SHCBP1L: variants seen among roughly 807,000 people sequenced by gnomAD.
SHCBP1L encodes SHC binding and spindle associated 1 like.
In SHCBP1L, 67 loss-of-function variants were observed where a neutral mutation model predicts 62.5. The ratio of observed to expected loss-of-function variants is 1.07; its 90% CI spans 0.88 to 1.31. The LOEUF is 1.31. SHCBP1L is among the 40% of genes most tolerant of loss of function. SHCBP1L has a pLI of 0.00. For missense variants in SHCBP1L, 823 were observed against 809.8 expected (o/e 1.02, Z -0.20); for synonymous variants, 284 against 289.4 (o/e 0.98, Z 0.19).
chr1:182,904,548 T>C (rs963907317), intron 7 of SHCBP1L, 118 bp from the exon 8 acceptor site: 3 of 791,374 alleles, frequency 3.8e-6, no homozygotes, highest in African/African-American at 1.8e-5. Flanking sequence ...TGTGTGTGTG[T>C]GTGTGTGTGT....
At position 182,900,196 on chromosome 1, in the gene SHCBP1L, A is replaced by G. The variant is rs759875717; in HGVS notation, c.1749T>C (p.His583=). The change falls in exon 10 of 10, where the codon CAT becomes CAC. Residue 583 remains histidine, a synonymous_variant. Transcript: ENST00000367547. The stretch of plus-strand genomic sequence containing the variant: ...CTCCATAGCCTTTGTTGCTATAAAT[A>G]TGATTATTAGTCATCTTCAATTTGG... ...PAPKLKMTNN[H]IYSNKGYGVS... is the part of the protein sequence containing the mutation. 1 of 1,601,998 alleles carries G rather than the reference A, an allele frequency of 6.2e-7. No individual in the cohort carries two copies. The highest frequency in any genetic ancestry group is 1.1e-5 in the South Asian group (1 of 87,572).
chr1:182,929,315 T>C (rs1263679361), intron 6 of SHCBP1L, among the ~76,000 whole-genome samples: 32 of 152,222 alleles, frequency 2.1e-4, no homozygotes, highest in Admixed American at 2.1e-3. Context: ...CTTGTGTCCA[T>C]ATTTCCACCA....
intron 6 of SHCBP1L, among the ~76,000 whole-genome samples, chr1:182,927,795 C>T (rs2101940371): frequency 6.6e-6 from 1 of 152,156 alleles, no homozygotes; most frequent in African/African-American, 2.4e-5. Context: ...ATACTTTCTC[C>T]TCACAGTAGT....
At chr1:182,934,734 G>A (rs1651112459) in intron 5 of SHCBP1L, among the ~76,000 whole-genome samples, 1 of 151,930 alleles carries the variant, frequency 6.6e-6, no homozygotes. Context: ...TATTGTTGTG[G>A]TACCTAAAAA....
At chr1:182,906,716 G>T (rs1431569812) in intron 6 of SHCBP1L, among the ~76,000 whole-genome samples, 1 of 152,088 alleles carries the variant, frequency 6.6e-6, no homozygotes, top group African/African-American at 2.4e-5. Flanking sequence ...ACCGTGCCCG[G>T]CCCCCAGATA....
chr1:182,900,261 T>G, intron 9 of SHCBP1L, 27 bp from the exon 10 acceptor site: 2 of 1,494,186 alleles, frequency 1.3e-6, no homozygotes, highest in Non-Finnish European at 1.8e-6. Flanking sequence ...GGAAATTAGT[T>G]TTTCAATGAT....
Position 182,940,548 on chromosome 1 carries a change from G to A in SHCBP1L, c.556-5C>T. 2 of 1,610,748 alleles carry A rather than the reference G, an allele frequency of 1.2e-6. No homozygotes were observed. Among genetic ancestry groups the A allele is most frequent in the Non-Finnish European group, 1.7e-6 (2 of 1,177,782 alleles). The stretch of plus-strand genomic sequence containing the variant: ...TTGGTATGGTTCACAAGTTACCTAA[G>A]ATAAATATCATAAGAGATAAGAGAT... On this transcript the variant is annotated splice_region_variant and splice_polypyrimidine_tract_variant and intron_variant, in intron 2 of 9. Transcript: ENST00000367547.
At position 182,953,059 on chromosome 1, in the gene SHCBP1L, C is replaced by T. The variant is rs1234094232; in HGVS notation, c.75G>A (p.Lys25=). 3.2e-6 allele frequency: 5 copies of T among 1,547,144 alleles called. No individual in the cohort carries two copies. The East Asian group carries it at 7.2e-5, about 22-fold the overall frequency. ...RTISPDRRGE[K]SASAVSGDTA... The stretch of plus-strand genomic sequence containing the variant: ...TGTCCCCGGAGACAGCGGAGGCGGA[C>T]TTCTCGCCTCGCCTGTCCGGGCTGA... Residue 25 remains lysine, a synonymous_variant, in exon 1 of 10, where the codon AAG becomes AAA. Transcript: ENST00000367547.
intron 6 of SHCBP1L, 29 bp downstream of exon 6, chr1:182,929,614 TTAAA>T: frequency 7.0e-7 from 1 of 1,423,760 alleles, no homozygotes; most frequent in Non-Finnish European, 9.5e-7. Context: ...CAGCTAATAC[TTAAA>T]TAACAAATAA....
intron 5 of SHCBP1L, among the ~76,000 whole-genome samples, chr1:182,932,296 CAT>C (rs950045856): frequency 5.9e-5 from 9 of 151,970 alleles, no homozygotes; most frequent in African/African-American, 2.2e-4. Flanking sequence ...GTTTCCAACT[CAT>C]GTGGGTAATT....
chr1:182,924,717 A>AAAGGAAGGG (rs1650634969), intron 6 of SHCBP1L, among the ~76,000 whole-genome samples: 3 of 58,748 alleles, frequency 5.1e-5, no homozygotes, highest in African/African-American at 4.5e-4. Flanking sequence ...AGAAAGAAAG[A>AAAGGAAGGG]AAGAAAGAAA....
chr1:182,904,186 G>T lies in SHCBP1L; in HGVS notation c.1581C>A (p.Gly527=), dbSNP rs756834948. 1 of 1,613,560 alleles carries T rather than the reference G, an allele frequency of 6.2e-7. No homozygotes were observed. The highest frequency in any genetic ancestry group is 1.3e-5 in the African/African-American group (1 of 74,822). ...ALTITDSEIT[G]AQGAGVELYP... The stretch of plus-strand genomic sequence containing the variant: ...TTTTTAAAGAATGAAATACCTGGGC[G>T]CCAGTTATTTCACTGTCTGTAATTG... Residue 527 remains glycine (G), a synonymous_variant, in exon 8 of 10, where the codon GGC becomes GGA. Coordinates refer to ENST00000367547, the MANE Select transcript of SHCBP1L (RefSeq NM_030933.4).
At chr1:182,909,101 G>T (rs933916023) in intron 6 of SHCBP1L, among the ~76,000 whole-genome samples, 2 of 152,114 alleles carry the variant, frequency 1.3e-5, no homozygotes, top group African/African-American at 4.8e-5. Flanking sequence ...TAAATAATTT[G>T]TAAGAACTCT....
intron 9 of SHCBP1L, among the ~76,000 whole-genome samples, chr1:182,902,216 AT>A (rs1476026946): frequency 6.6e-6 from 1 of 151,294 alleles, no homozygotes; most frequent in East Asian, 1.9e-4. Context: ...CGGTTGGCTA[AT>A]TTTTTTTGTA....
chr1:182,910,444 C>G (rs1256390490), intron 6 of SHCBP1L, among the ~76,000 whole-genome samples: 1 of 152,218 alleles, frequency 6.6e-6, no homozygotes, highest in Non-Finnish European at 1.5e-5. Flanking sequence ...TCTGACCTAT[C>G]TGGTAGTTCT....
chr1:182,934,436 G>A (rs1010297818), intron 5 of SHCBP1L, among the ~76,000 whole-genome samples: 5 of 152,066 alleles, frequency 3.3e-5, no homozygotes, highest in Non-Finnish European at 7.4e-5. Flanking sequence ...ACTTACTAAT[G>A]ACAAATGAGG....
rs181494564 is a variant in SHCBP1L at position 182,937,399 on chromosome 1, T to C, written c.1076+1777A>G. Among the ~76,000 whole-genome samples, 8 of 152,326 alleles carry C rather than the reference T, an allele frequency of 5.3e-5. No homozygotes were observed. The East Asian group carries it at 1.5e-3, about 29-fold the overall frequency. ...CCTTCTGAGAAATTCTTGTTCACTA[T>C]AGTAGGTAATGTGGGTTTTTTCCTT... On this transcript the variant is annotated intron_variant, in intron 5 of 9. Coordinates refer to ENST00000367547, the MANE Select transcript of SHCBP1L (RefSeq NM_030933.4).
chr1:182,910,481 A>T (rs954651645), intron 6 of SHCBP1L, among the ~76,000 whole-genome samples: 1 of 145,648 alleles, frequency 6.9e-6, no homozygotes, highest in African/African-American at 2.8e-5. Context: ...GAAAGATGAT[A>T]TTTTTTTTCA....
Position 182,952,914 on chromosome 1 carries a change from G to A in SHCBP1L, c.220C>T (p.Pro74Ser). The change falls in exon 1 of 10, where the codon CCC (proline) becomes TCC (serine). Residue 74 changes from proline to serine, a missense_variant. Physicochemically the swap from Pro to Ser is moderately conservative, Grantham distance 74. Coordinates refer to ENST00000367547, the MANE Select transcript of SHCBP1L (RefSeq NM_030933.4). ...ETARLRLQRL[P>S]AAQAEDTGEA... ...CCCGTGTCCTCGGCCTGAGCCGCGG[G>A]CAGGCGCTGGAGCCGCAGCCTGGCC... The A allele has an allele frequency of 6.4e-7, 1 of 1,568,348 alleles. No homozygotes were observed. Among genetic ancestry groups the A allele is most frequent in the Non-Finnish European group, 8.6e-7 (1 of 1,157,856 alleles).
Sources: allele counts gnomAD v4.1 joint callset (sites outside exome capture counted in the v4.1 genomes callset), GRCh38; gene constraint gnomAD v4.1.1; transcripts MANE v1.5; gene names NCBI Gene and HGNC (gene_info 2026-07-23, HGNC 2026-07-21).